DNAJB13: variants seen among roughly 807,000 people sequenced by gnomAD.
The protein encoded by DNAJB13 is DnaJ heat shock protein family (Hsp40) member B13.
In DNAJB13, 22 loss-of-function variants were observed where a neutral mutation model predicts 35.6. The observed-to-expected ratio is 0.62, with a 90% CI of 0.44 to 0.88. DNAJB13 has a LOEUF of 0.88. Ranked by LOEUF, DNAJB13 falls within the 40% of genes least tolerant of loss-of-function variation. The pLI is 0.00. For synonymous variants in DNAJB13, 136 were observed against 144.2 expected, an observed-to-expected ratio of 0.94 and a Z score of 0.41; for missense variants, 370 against 384.3, an observed-to-expected ratio of 0.96 and a Z score of 0.31.
intron 3 of DNAJB13, among the ~76,000 whole-genome samples, chr11:73,960,855 A>G (rs1480877337): frequency 2.0e-5 from 3 of 152,154 alleles, no homozygotes; most frequent in African/African-American, 7.2e-5. Flanking sequence ...ATTCACTTAC[A>G]TGCAAATCTA....
At chr11:73,956,867 G>A (rs1305956516) in intron 1 of DNAJB13, among the ~76,000 whole-genome samples, 1 of 151,838 alleles carries the variant, frequency 6.6e-6, no homozygotes, top group Non-Finnish European at 1.5e-5. Context: ...TTGGAGAGGA[G>A]ATGGCAAGTA....
chr11:73,951,845 C>T (rs997358215), intron 1 of DNAJB13, among the ~76,000 whole-genome samples: 2 of 152,136 alleles, frequency 1.3e-5, no homozygotes, highest in African/African-American at 4.8e-5. Flanking sequence ...GGGGTTTCTC[C>T]TTTTTGGTCA....
At chr11:73,968,495 T>TAA in intron 6 of DNAJB13, 37 bp downstream of exon 6, 1 of 1,576,490 alleles carries the variant, frequency 6.3e-7, no homozygotes. Context: ...GGGGAGGAGA[T>TAA]CAGAGTGAGC....
Position 73,970,141 on chromosome 11 carries a change from A to C in DNAJB13, c.*27A>C, listed in dbSNP as rs775401644. On this transcript the variant is annotated 3_prime_UTR_variant, in exon 8 of 8. Transcript: ENST00000339764. Reference sequence around the variant, plus strand: ...TGTGGTGGGCTGGAGCAGGGGTGAGAGGAGGCTAGCCGGGCCTCACCCCAC... The same window carrying C: ...TGTGGTGGGCTGGAGCAGGGGTGAGCGGAGGCTAGCCGGGCCTCACCCCAC... The C allele has an allele frequency of 6.4e-7, 1 of 1,562,186 alleles. No individual in the cohort carries two copies.
rs1350955423 is a variant in DNAJB13, at chr11:73,964,812, T to TGCGCGCGCGCGCGC, written c.335-54_335-53insGCGCGCGCGCGCGC. 14 of 698,238 alleles carry TGCGCGCGCGCGCGC rather than the reference T, an allele frequency of 2.0e-5. No individual in the cohort carries two copies. In the African/African-American group the frequency reaches 3.1e-4, roughly 15 times the overall value. The allele number at this position is 698,238 out of a possible 1,614,324, so 43.3% of individuals were successfully genotyped here. The stretch of plus-strand genomic sequence containing the variant: ...GTGTGTGTGTGTGTGTGTGTGTGTG[T>TGCGCGCGCGCGCGC]GCGCGCGCGCGCATGTCTGGGTCTC... On this transcript the variant is annotated intron_variant, in intron 3 of 7. Transcript: ENST00000339764.
intron 1 of DNAJB13, among the ~76,000 whole-genome samples, chr11:73,957,229 C>G (rs1465124759): frequency 6.6e-6 from 1 of 152,132 alleles, no homozygotes; most frequent in Non-Finnish European, 1.5e-5. Context: ...GGCAGGGCTG[C>G]GGCTTTATTC....
intron 2 of DNAJB13, among the ~76,000 whole-genome samples, chr11:73,959,194 C>T (rs534180845): frequency 7.7e-4 from 117 of 152,324 alleles, no homozygotes; most frequent in African/African-American, 2.6e-3. Context: ...GGCCAAATCC[C>T]AGGGCCATTG....
Position 73,958,440 on chromosome 11 carries a change from A to G in DNAJB13, c.172+20A>G. On this transcript the variant is annotated intron_variant, in intron 2 of 7. Coordinates refer to ENST00000339764, the MANE Select transcript of DNAJB13 (RefSeq NM_153614.4). ...GTGACCGTGAGTAGGTGTGGGGCTG[A>G]GCACCCCGCTTGATTAGGATCATTC... 6.2e-7 allele frequency: 1 copy of G among 1,605,388 alleles called. No individual in the cohort carries two copies. The highest frequency in any genetic ancestry group is 2.2e-5 in the East Asian group (1 of 44,816).
chr11:73,963,047 C>T (rs554460733), intron 3 of DNAJB13, among the ~76,000 whole-genome samples: 53 of 151,904 alleles, frequency 3.5e-4, no homozygotes, highest in African/African-American at 1.2e-3. Flanking sequence ...TGCAATCGGC[C>T]GGGCATGGTG....
chr11:73,954,643 AAAAT>A (rs10681304), intron 1 of DNAJB13, among the ~76,000 whole-genome samples: 335 of 132,024 alleles, frequency 2.5e-3, no homozygotes, highest in Middle Eastern at 4.3e-3. Flanking sequence ...AAAAAAAAAT[AAAAT>A]AAATAAATAA....
At chr11:73,969,210 C>T in intron 6 of DNAJB13, 36 bp from the exon 7 acceptor site, 1 of 792,746 alleles carries the variant, frequency 1.3e-6, no homozygotes, top group Non-Finnish European at 2.1e-6. Context: ...CATGGTGACC[C>T]TCCTCAGCCC....
At chr11:73,952,177 T>C (rs1194196755) in intron 1 of DNAJB13, among the ~76,000 whole-genome samples, 7 of 152,134 alleles carry the variant, frequency 4.6e-5, no homozygotes. Context: ...GGAAGTTATC[T>C]TGGAAGGAGA....
At chr11:73,964,600 A>G (rs1951028402) in intron 3 of DNAJB13, 6 of 359,126 alleles carry the variant, frequency 1.7e-5, no homozygotes, top group South Asian at 1.2e-4. Context: ...TGGGGGGGGA[A>G]TGTCCCAAGG....
At position 73,965,165 on chromosome 11, in the gene DNAJB13, C is replaced by T. The variant is rs1028413622; in HGVS notation, c.492+130C>T. ...AATTATGGAACCTTAGATTCAGAGA[C>T]CTAGGATGTTAGAATTCCGGAATCT... On this transcript the variant is annotated intron_variant, in intron 4 of 7. Coordinates refer to ENST00000339764, the MANE Select transcript of DNAJB13 (RefSeq NM_153614.4). 6.6e-6 allele frequency: 7 copies of T among 1,053,748 alleles called. No homozygotes were observed. In the African/African-American group the frequency reaches 8.1e-5, roughly 12 times the overall value. 65.3% of individuals were successfully genotyped at this position (1,053,748 alleles called of 1,614,324 possible).
At chr11:73,963,345 C>G (rs1194108312) in intron 3 of DNAJB13, among the ~76,000 whole-genome samples, 1 of 119,696 alleles carries the variant, frequency 8.4e-6, no homozygotes, top group Non-Finnish European at 1.8e-5. Flanking sequence ...GACTCTGTCT[C>G]AAAAAAAAAA....
intron 3 of DNAJB13, among the ~76,000 whole-genome samples, chr11:73,960,748 T>C (rs1427665109): frequency 6.6e-6 from 1 of 152,232 alleles, no homozygotes; most frequent in Non-Finnish European, 1.5e-5. Flanking sequence ...AGCCTTTTAT[T>C]AAGGAAATAG....
chr11:73,960,412 C>T (rs1365204461), intron 3 of DNAJB13, among the ~76,000 whole-genome samples: 1 of 152,214 alleles, frequency 6.6e-6, no homozygotes, highest in African/African-American at 2.4e-5. Flanking sequence ...GAACTCCTGA[C>T]CTCAGCTGAT....
intron 1 of DNAJB13, among the ~76,000 whole-genome samples, chr11:73,955,930 A>G (rs116258351): frequency 0.017 from 2,574 of 152,324 alleles, 66 homozygotes; most frequent in African/African-American, 0.058. Context: ...GGGCACAGCC[A>G]GGACCCTTAT....
intron 4 of DNAJB13, 172 bp downstream of exon 4, chr11:73,965,207 A>G (rs777773881): frequency 4.1e-6 from 3 of 728,218 alleles, no homozygotes; most frequent in Non-Finnish European, 6.4e-6. Context: ...CGGAAGGGAC[A>G]GTTGAAGACA....
Sources: gnomAD v4.1 joint callset for allele counts (sites outside exome capture counted in the v4.1 genomes callset) on GRCh38, gnomAD v4.1.1 for gene constraint, MANE v1.5 for transcripts, NCBI Gene and HGNC (gene_info 2026-07-23, HGNC 2026-07-21) for gene names.